ITGA5: variants seen among roughly 807,000 people sequenced by gnomAD.
The protein encoded by ITGA5 is integrin subunit alpha 5.
A neutral mutation model predicts 146.3 loss-of-function variants in ITGA5; 55 were observed. The observed-to-expected ratio is 0.38, with a 90% confidence interval of 0.30 to 0.47. ITGA5 has a LOEUF of 0.47. ITGA5 is among the 20% of genes least tolerant of loss of function. ITGA5 has a pLI of 0.99. For missense variants in ITGA5, 1,131 were observed against 1,329.0 expected (o/e 0.85, Z 2.32); for synonymous variants, 500 against 531.8 (o/e 0.94, Z 0.82).
chr12:54,398,482 G>A (rs1955742203), intron 28 of ITGA5, 115 bp downstream of exon 28: 2 of 701,208 alleles, frequency 2.9e-6, no homozygotes, highest in Admixed American at 3.0e-5. Flanking sequence ...TTGGCACATA[G>A]TACATTCTCA....
In ITGA5 at chr12:54,409,193, G is replaced by T; in HGVS notation, c.583+39C>A. The T allele has an allele frequency of 6.3e-7, 1 of 1,588,532 alleles. No individual in the cohort carries two copies. The highest frequency in any genetic ancestry group is 8.5e-7 in the Non-Finnish European group (1 of 1,169,688). On this transcript the variant is annotated intron_variant, in intron 4 of 29. Transcript: ENST00000293379. The surrounding 1 kb of genome is among the most constrained non-coding windows in gnomAD (Gnocchi z 4.7). ...TATGTGAGACACTTCAAGTATATGAGAAGGCAGACATGGGGCACAGGCCCC... is the reference window on the plus strand; with the variant it reads ...TATGTGAGACACTTCAAGTATATGATAAGGCAGACATGGGGCACAGGCCCC...
At chr12:54,406,435 G>C (rs1955867206) in intron 9 of ITGA5, among the ~76,000 whole-genome samples, 1 of 152,094 alleles carries the variant, frequency 6.6e-6, no homozygotes, top group African/African-American at 2.4e-5. Context: ...TTGAATCCTG[G>C]TGTGAGCCCT....
chr12:54,396,622 A>G (rs1354070034), intron 29 of ITGA5, among the ~76,000 whole-genome samples: 3 of 152,216 alleles, frequency 2.0e-5, no homozygotes, highest in African/African-American at 7.2e-5. Flanking sequence ...CAGTTAAGCC[A>G]GAAATGGCAG....
chr12:54,403,879 A>G lies in ITGA5; in HGVS notation c.1621+32T>C, dbSNP rs1955824023. ...CCCCAGTCCCTTCATTCTCTGTCCT[A>G]GGGCCTGAGAGATCCAGGCAGTCTC... On this transcript the variant is annotated intron_variant, in intron 16 of 29. Transcript: ENST00000293379. The surrounding 1 kb of genome is among the most constrained non-coding windows in gnomAD (Gnocchi z 4.9). 4 of 1,613,054 alleles carry G rather than the reference A, an allele frequency of 2.5e-6. No individual in the cohort carries two copies. The highest frequency in any genetic ancestry group is 3.4e-6 in the Non-Finnish European group (4 of 1,179,022).
At chr12:54,414,522 T>C (rs969358878) in intron 1 of ITGA5, among the ~76,000 whole-genome samples, 2 of 152,052 alleles carry the variant, frequency 1.3e-5, no homozygotes, top group Admixed American at 6.6e-5. Context: ...GAAACTCTGA[T>C]TGGCAGCTAT....
At position 54,404,216 on chromosome 12, in the gene ITGA5, G is replaced by C; in HGVS notation, c.1494C>G (p.Ser498=). The C allele has an allele frequency of 6.2e-7, 1 of 1,602,312 alleles. No homozygotes were observed. Among genetic ancestry groups the C allele is most frequent in the Admixed American group, 1.7e-5 (1 of 59,006 alleles). The change falls in exon 15 of 30, where the codon TCC becomes TCG. Residue 498 remains serine, a synonymous_variant. Transcript: ENST00000293379. ...TGAACATGGCGGGGAAGATGGTGAG[G>C]GAGGCACTAGCGGACACGATGGGGC... ...RGRPIVSASA[S]LTIFPAMFNP...
At chr12:54,404,928 C>G in intron 12 of ITGA5, 34 bp from the exon 13 acceptor site, 1 of 1,493,330 alleles carries the variant, frequency 6.7e-7, no homozygotes, top group Non-Finnish European at 8.9e-7. Context: ...AGTCAGCAGG[C>G]CAGGAATCCA....
chr12:54,409,662 A>G lies in ITGA5; in HGVS notation c.350-65T>C. 1 of 1,074,954 alleles carries G rather than the reference A, an allele frequency of 9.3e-7. No individual in the cohort carries two copies. The highest frequency in any genetic ancestry group is 1.4e-6 in the Non-Finnish European group (1 of 727,104). 66.6% of individuals were successfully genotyped at this position (1,074,954 alleles called of 1,614,324 possible). ...ACATTTGAGCTCTAGGGCAGCCCCTACCCTCAGCCTGGGGATACCCAACAA... is the reference window on the plus strand; with the variant it reads ...ACATTTGAGCTCTAGGGCAGCCCCTGCCCTCAGCCTGGGGATACCCAACAA... On this transcript the variant is annotated intron_variant, in intron 2 of 29. Coordinates refer to ENST00000293379, the MANE Select transcript of ITGA5 (RefSeq NM_002205.5). This position sits in a 1 kb window ranked among gnomAD's most constrained non-coding sequence, Gnocchi z 4.7.
At chr12:54,410,011 C>T (rs900308221) in intron 2 of ITGA5, among the ~76,000 whole-genome samples, 5 of 152,034 alleles carry the variant, frequency 3.3e-5, no homozygotes, top group Admixed American at 2.0e-4. Context: ...TGCGCGTCAC[C>T]ACACCTGGCT....
In ITGA5 at chr12:54,409,689, C is replaced by T. The variant is rs1027100183; in HGVS notation, c.350-92G>A. On this transcript the variant is annotated intron_variant, in intron 2 of 29. Transcript: ENST00000293379. The surrounding 1 kb of genome is among the most constrained non-coding windows in gnomAD (Gnocchi z 4.7). ...CCTCAGCCTGGGGATACCCAACAAACGCTTCCAAGCCCTGAGACTCCATGA... is the reference window on the plus strand; with the variant it reads ...CCTCAGCCTGGGGATACCCAACAAATGCTTCCAAGCCCTGAGACTCCATGA... 9.5e-6 allele frequency: 7 copies of T among 739,986 alleles called. No individual in the cohort carries two copies. The highest frequency in any genetic ancestry group is 5.1e-5 in the Admixed American group (2 of 39,438). 45.8% of individuals were successfully genotyped at this position (739,986 alleles called of 1,614,324 possible). A position where few individuals can be genotyped will look rare whatever the true frequency, so the allele number is the denominator to read the frequency against.
intron 14 of ITGA5, 66 bp downstream of exon 14, chr12:54,404,364 T>G: frequency 2.5e-6 from 4 of 1,582,602 alleles, no homozygotes; most frequent in Non-Finnish European, 3.5e-6. Flanking sequence ...CAACCTCAGC[T>G]CTGTTGAGAA....
intron 9 of ITGA5, 78 bp from the exon 10 acceptor site, chr12:54,406,004 C>T: frequency 7.8e-7 from 1 of 1,286,092 alleles, no homozygotes; most frequent in Non-Finnish European, 1.1e-6. Context: ...GTGTACAGGA[C>T]ACCCAGGGGC....
rs1180358853 is a variant in ITGA5, at chr12:54,409,438, CT to C, written c.462+46del. On this transcript the variant is annotated intron_variant, in intron 3 of 29. Coordinates refer to ENST00000293379, the MANE Select transcript of ITGA5 (RefSeq NM_002205.5). The surrounding 1 kb of genome is among the most constrained non-coding windows in gnomAD (Gnocchi z 4.7). ...CTCCAGGCCCGGCCTTACCCAACCA[CT>C]GCCCATCCCCTGGCCACCACACCAC... 10 of 1,610,294 alleles carry C rather than the reference CT, an allele frequency of 6.2e-6. No individual in the cohort carries two copies. Among genetic ancestry groups the C allele is most frequent in the Non-Finnish European group, 8.5e-6 (10 of 1,177,370 alleles).
chr12:54,397,340 A>T, intron 29 of ITGA5, 25 bp downstream of exon 29: 1 of 1,613,454 alleles, frequency 6.2e-7, no homozygotes. Context: ...GAGGGTGGCC[A>T]AGTCACAAGC....
At chr12:54,405,964 C>T (rs1401315934) in intron 9 of ITGA5, 38 bp from the exon 10 acceptor site, 3 of 1,552,354 alleles carry the variant, frequency 1.9e-6, no homozygotes, top group Non-Finnish European at 2.7e-6. Flanking sequence ...GTCCTGGACT[C>T]CCAGAATATC....
Position 54,419,251 on chromosome 12 carries a change from C to T in ITGA5, c.-53G>A. The T allele has an allele frequency of 2.0e-6, 3 of 1,537,022 alleles. No individual in the cohort carries two copies. Among genetic ancestry groups the T allele is most frequent in the Non-Finnish European group, 1.8e-6 (2 of 1,139,010 alleles). On this transcript the variant is annotated 5_prime_UTR_variant, in exon 1 of 30. Coordinates refer to ENST00000293379, the MANE Select transcript of ITGA5 (RefSeq NM_002205.5). The stretch of plus-strand genomic sequence containing the variant: ...CACCGACCCGGAGCCGCTTCCTAAA[C>T]CTCCCAGAGGCGAATGACTCAACGC...
Position 54,409,153 on chromosome 12 carries a change from C to T in ITGA5, c.583+79G>A, listed in dbSNP as rs913025737. On this transcript the variant is annotated intron_variant, in intron 4 of 29. Coordinates refer to ENST00000293379, the MANE Select transcript of ITGA5 (RefSeq NM_002205.5). The surrounding 1 kb of genome is among the most constrained non-coding windows in gnomAD (Gnocchi z 4.7). ...ACCTCATGGGGGCACATGGTAGGTG[C>T]GAGTCAACCCTAAGTATGTGAGACA... 3.1e-5 allele frequency: 48 copies of T among 1,548,278 alleles called. No individual in the cohort carries two copies. The highest frequency in any genetic ancestry group is 3.5e-4 in the Middle Eastern group (2 of 5,736).
Position 54,401,934 on chromosome 12 carries a change from C to A in ITGA5, c.2226+67G>T. On this transcript the variant is annotated intron_variant, in intron 21 of 29. Transcript: ENST00000293379. The surrounding 1 kb of genome is among the most constrained non-coding windows in gnomAD (Gnocchi z 5.0). ...CCTCCGCACCTCACAGCTGTGCTCT[C>A]GGCTGGCTGGTTACCGCCCTCAGGT... 6.3e-7 allele frequency: 1 copy of A among 1,596,954 alleles called. No homozygotes were observed.
At chr12:54,402,122 T>C in intron 20 of ITGA5, 29 bp from the exon 21 acceptor site, 1 of 1,613,824 alleles carries the variant, frequency 6.2e-7, no homozygotes, top group Non-Finnish European at 8.5e-7. Flanking sequence ...CTGGTCAGGT[T>C]TTGGTGTCCC....
Sources: gnomAD v4.1 joint callset for allele counts (sites outside exome capture counted in the v4.1 genomes callset) on GRCh38, gnomAD v4.1.1 for gene constraint, Gnocchi (gnomAD v3.1) non-coding constraint, MANE v1.5 for transcripts, NCBI Gene and HGNC (gene_info 2026-07-23, HGNC 2026-07-21) for gene names.